Variants in EBF3 observed in about 807,000 individuals in gnomAD.
The protein encoded by EBF3 is EBF transcription factor 3, also known as transcription factor COE3.
In EBF3, 18 loss-of-function variants were observed where a neutral mutation model predicts 77.1. The observed-to-expected ratio is 0.23, with a 90% CI of 0.16 to 0.35. EBF3 has a LOEUF of 0.35. Among genes scored for constraint, EBF3 ranks in the 10% least tolerant of loss-of-function variants. The pLI, the probability that EBF3 is intolerant of heterozygous loss-of-function variation, is 1.00. For missense variants in EBF3, 558 were observed against 860.0 expected, an observed-to-expected ratio of 0.65 and a Z score of 4.39; for synonymous variants, 350 against 343.5, an observed-to-expected ratio of 1.02 and a Z score of -0.21.
At chr10:129,850,536 C>T (rs1850796321) in intron 10 of EBF3, among the ~76,000 whole-genome samples, 1 of 152,202 alleles carries the variant, frequency 6.6e-6, no homozygotes, top group Non-Finnish European at 1.5e-5. Flanking sequence ...TAATTGTGCA[C>T]TGTGGGCTCC....
chr10:129,869,703 CCTTT>C (rs1359369109), intron 8 of EBF3, among the ~76,000 whole-genome samples: 4 of 152,194 alleles, frequency 2.6e-5, no homozygotes, highest in Non-Finnish European at 4.4e-5. Context: ...ATGCCACCTT[CCTTT>C]GTTTGCTTTA....
intron 6 of EBF3, among the ~76,000 whole-genome samples, chr10:129,887,054 C>CGGGGGGGGGGG (rs1226242130): frequency 9.4e-5 from 1 of 10,588 alleles, no homozygotes; most frequent in Non-Finnish European, 2.9e-4. Flanking sequence ...GGGTTGTGGG[C>CGGGGGGGGGGG]GGGGGGGGGG....
chr10:129,923,611 T>C (rs1456487674), intron 6 of EBF3, among the ~76,000 whole-genome samples: 1 of 152,102 alleles, frequency 6.6e-6, no homozygotes. Context: ...ATTGGACCCT[T>C]ACACATATAT....
chr10:129,959,816 C>T (rs1370736674), intron 4 of EBF3, among the ~76,000 whole-genome samples: 2 of 151,950 alleles, frequency 1.3e-5, no homozygotes, highest in African/African-American at 2.4e-5. Flanking sequence ...GGCCCCAGGG[C>T]GCCCGAGCCC....
At position 129,889,946 on chromosome 10, in the gene EBF3, C is replaced by CTTTTTTTTTT. The variant is rs10665456; in HGVS notation, c.555-12107_555-12098dup. 2.4e-4 allele frequency among the ~76,000 whole-genome samples: 20 copies of CTTTTTTTTTT among 82,894 alleles called. 2 individuals carry two copies. Among genetic ancestry groups the CTTTTTTTTTT allele is most frequent in the East Asian group, 9.9e-4 (2 of 2,018 alleles). 54.4% of individuals were successfully genotyped at this position (82,894 alleles called of 152,430 possible). A position where few individuals can be genotyped will look rare whatever the true frequency, so the allele number is the denominator to read the frequency against. On this transcript the variant is annotated intron_variant, in intron 6 of 16. Coordinates refer to ENST00000440978, the MANE Select transcript of EBF3 (RefSeq NM_001375380.1). ...AAATGAGCAAAGCCCATTGAAGTGC[C>CTTTTTTTTTT]TTTTTTTTTTTTTTTTTTTTTTTTT...
intron 6 of EBF3, among the ~76,000 whole-genome samples, chr10:129,928,332 CTG>C (rs1347363786): frequency 6.6e-5 from 10 of 152,180 alleles, no homozygotes; most frequent in Admixed American, 3.3e-4. Flanking sequence ...AATTATTAGT[CTG>C]ATTATTTCCT....
chr10:129,920,905 T>G (rs1856250647), intron 6 of EBF3, among the ~76,000 whole-genome samples: 2 of 152,004 alleles, frequency 1.3e-5, no homozygotes, highest in Admixed American at 1.3e-4. Context: ...CTAGCTCTCC[T>G]GCCTGAGGTT....
At chr10:129,844,324 GGTGGCCTTCGCTCCTGGGCCTGTGGCT>G (rs1180015710) in intron 11 of EBF3, among the ~76,000 whole-genome samples, 1 of 152,212 alleles carries the variant, frequency 6.6e-6, no homozygotes, top group African/African-American at 2.4e-5. Context: ...AAGTAAGGCA[GGTGGCCTTCGCTCCTGGGCCTGTGGCT>G]GTGGCCTTCC....
intron 6 of EBF3, among the ~76,000 whole-genome samples, chr10:129,948,934 C>G (rs996477132): frequency 1.5e-4 from 23 of 152,176 alleles, no homozygotes; most frequent in African/African-American, 5.6e-4. Flanking sequence ...TTGGAAAGGA[C>G]ACCTGCATTA....
chr10:129,877,789 A>G lies in EBF3; in HGVS notation c.615T>C (p.Pro205=). The change falls in exon 7 of 17, where the codon CCT becomes CCC. Residue 205 remains proline (P), a synonymous_variant. Transcript: ENST00000440978. Reference sequence around the variant, plus strand: ...ATACCTGGAATCTCCGCATATCTCGAGGGTTGCCTGCATTCTTCAAACAGT... The same window carrying G: ...ATACCTGGAATCTCCGCATATCTCGGGGGTTGCCTGCATTCTTCAAACAGT... ...NQNCLKNAGN[P]RDMRRFQVVV... The G allele has an allele frequency of 6.2e-7, 1 of 1,613,838 alleles. No homozygotes were observed. Among genetic ancestry groups the G allele is most frequent in the South Asian group, 1.1e-5 (1 of 91,008 alleles).
chr10:129,962,274 C>A (rs1171105414), intron 3 of EBF3, 48 bp from the exon 4 acceptor site: 1 of 1,593,940 alleles, frequency 6.3e-7, no homozygotes, highest in Non-Finnish European at 8.6e-7. Flanking sequence ...AGTGCTGCAC[C>A]TCGGGGAGGG....
chr10:129,843,097 TG>T lies in EBF3; in HGVS notation c.1194+39del, dbSNP rs35210769. ...CGCCGGCTGCCCACGGGTTCTGGCA[TG>T]GGGGGGAGGATGGGCGAGGGGAGCC... On this transcript the variant is annotated intron_variant, in intron 12 of 16. Transcript: ENST00000440978. 3.2e-6 allele frequency: 5 copies of T among 1,586,346 alleles called. No homozygotes were observed. The Admixed American group carries it at 6.8e-5, about 22-fold the overall frequency.
At chr10:129,876,223 A>G (rs1275912234) in intron 7 of EBF3, among the ~76,000 whole-genome samples, 2 of 152,182 alleles carry the variant, frequency 1.3e-5, no homozygotes, top group African/African-American at 4.8e-5. Flanking sequence ...CCATCCTCCT[A>G]GGTCAGTTAC....
chr10:129,838,746 TTATG>T (rs1357405173), intron 16 of EBF3, among the ~76,000 whole-genome samples: 3 of 152,290 alleles, frequency 2.0e-5, no homozygotes, highest in Admixed American at 1.3e-4. Flanking sequence ...TCTCATTAAT[TTATG>T]TATAACATAT....
At chr10:129,850,067 C>T (rs552627446) in intron 10 of EBF3, among the ~76,000 whole-genome samples, 7 of 152,352 alleles carry the variant, frequency 4.6e-5, no homozygotes, top group Non-Finnish European at 2.9e-5. Context: ...CCTCACCAAG[C>T]GACTTGGTCC....
intron 3 of EBF3, 134 bp downstream of exon 3, chr10:129,962,808 T>G: frequency 1.9e-6 from 2 of 1,034,490 alleles, no homozygotes; most frequent in Non-Finnish European, 2.9e-6. Context: ...TATGTTTTGT[T>G]TTCCTTCTAT....
In EBF3 at chr10:129,958,884, G is replaced by A. The variant is rs534551330; in HGVS notation, c.485+50C>T. ...GGACGCGGCGTCCTTTGTAGACGCAGCTGGCGCCGAGGCAGCCCGCGCCCC... is the reference window on the plus strand; with the variant it reads ...GGACGCGGCGTCCTTTGTAGACGCAACTGGCGCCGAGGCAGCCCGCGCCCC... On this transcript the variant is annotated intron_variant, in intron 5 of 16. Transcript: ENST00000440978. 4.5e-5 allele frequency: 71 copies of A among 1,564,834 alleles called. No homozygotes were observed. In the East Asian group the frequency reaches 1.6e-3, roughly 35 times the overall value.
At chr10:129,929,653 C>T (rs2134409571) in intron 6 of EBF3, among the ~76,000 whole-genome samples, 1 of 152,290 alleles carries the variant, frequency 6.6e-6, no homozygotes, top group South Asian at 2.1e-4. Flanking sequence ...CAAGGAGGCC[C>T]CCATGTCAGA....
At chr10:129,891,543 A>G (rs1854018613) in intron 6 of EBF3, among the ~76,000 whole-genome samples, 1 of 152,202 alleles carries the variant, frequency 6.6e-6, no homozygotes, top group East Asian at 1.9e-4. Flanking sequence ...CACGAAAACG[A>G]CTGTTGTGTG....
Sources: allele counts gnomAD v4.1 joint callset (sites outside exome capture counted in the v4.1 genomes callset), GRCh38; gene constraint gnomAD v4.1.1; transcripts MANE v1.5; gene names NCBI Gene and HGNC (gene_info 2026-07-23, HGNC 2026-07-21).